NAAA: variants seen among roughly 807,000 people sequenced by gnomAD.
NAAA encodes N-acylethanolamine-hydrolyzing acid amidase.
Under a neutral mutation model 44.8 loss-of-function variants are expected in NAAA, and 39 were observed. That is an observed-to-expected ratio of 0.87 (90% CI 0.67 to 1.14). The LOEUF is 1.14. Among genes scored for constraint, NAAA ranks in the 50% most tolerant of loss-of-function variants. NAAA has a pLI of 0.00. For missense variants in NAAA, 460 were observed against 467.8 expected (o/e 0.98, Z 0.15); for synonymous variants, 178 against 191.3 (o/e 0.93, Z 0.58).
intron 5 of NAAA, among the ~76,000 whole-genome samples, chr4:75,923,578 C>T (rs1726376843): frequency 6.6e-6 from 1 of 150,482 alleles, no homozygotes; most frequent in Non-Finnish European, 1.5e-5. Flanking sequence ...CTTGCTGTGT[C>T]TCCCAGGCTG....
chr4:75,937,760 A>G (rs1727864725), intron 2 of NAAA, among the ~76,000 whole-genome samples: 1 of 152,168 alleles, frequency 6.6e-6, no homozygotes, highest in Admixed American at 6.5e-5. Flanking sequence ...AATGCTGGCA[A>G]TGCAGGCGTG....
At chr4:75,918,427 C>T (rs1393189848) in intron 9 of NAAA, among the ~76,000 whole-genome samples, 4 of 152,026 alleles carry the variant, frequency 2.6e-5, no homozygotes, top group African/African-American at 9.7e-5. Context: ...TGCACTCCAG[C>T]CTGGGTGACA....
intron 5 of NAAA, among the ~76,000 whole-genome samples, chr4:75,921,540 C>T (rs1243361818): frequency 6.6e-6 from 1 of 152,220 alleles, no homozygotes; most frequent in East Asian, 1.9e-4. Context: ...GTCCTATTCT[C>T]CCCAAGCCTC....
At chr4:75,924,752 A>G (rs996310107) in intron 5 of NAAA, among the ~76,000 whole-genome samples, 6 of 151,972 alleles carry the variant, frequency 3.9e-5, no homozygotes, top group Non-Finnish European at 5.9e-5. Flanking sequence ...CCTTAACCAA[A>G]CTCTAGCCAG....
intron 3 of NAAA, among the ~76,000 whole-genome samples, chr4:75,932,641 C>T (rs948535729): frequency 4.0e-5 from 6 of 151,870 alleles, no homozygotes; most frequent in Admixed American, 3.3e-4. Context: ...TGCCACCAAA[C>T]CTGACTGATA....
intron 3 of NAAA, among the ~76,000 whole-genome samples, chr4:75,933,752 G>C (rs1483703933): frequency 1.3e-5 from 2 of 151,926 alleles, no homozygotes; most frequent in Non-Finnish European, 2.9e-5. Context: ...TTACAGCCTG[G>C]TGCCTGGTGC....
chr4:75,934,482 ATTTTTT>A (rs373578792), intron 3 of NAAA, among the ~76,000 whole-genome samples: 1 of 135,594 alleles, frequency 7.4e-6, no homozygotes, highest in African/African-American at 2.8e-5. Flanking sequence ...CGCCCAGCTA[ATTTTTT>A]TTTTTTTTTT....
At chr4:75,927,327 C>A (rs1726792569) in intron 4 of NAAA, among the ~76,000 whole-genome samples, 1 of 151,912 alleles carries the variant, frequency 6.6e-6, no homozygotes, top group South Asian at 2.1e-4. Flanking sequence ...TGCCTGTAGT[C>A]CCAGCTACTC....
At chr4:75,934,377 G>A (rs916557123) in intron 3 of NAAA, among the ~76,000 whole-genome samples, 8 of 151,918 alleles carry the variant, frequency 5.3e-5, no homozygotes, top group African/African-American at 1.7e-4. Flanking sequence ...GTGCAGTGGT[G>A]CGATCTCAGC....
intron 3 of NAAA, chr4:75,935,738 A>T (rs1442249432): frequency 1.1e-5 from 3 of 262,634 alleles, no homozygotes; most frequent in Non-Finnish European, 7.0e-6. Context: ...GGACTGTCAG[A>T]TCCCAAAGTT....
At chr4:75,940,533 G>A (rs1285822447) in intron 1 of NAAA, among the ~76,000 whole-genome samples, 1 of 152,272 alleles carries the variant, frequency 6.6e-6, no homozygotes, top group East Asian at 1.9e-4. Context: ...TCAAGGACTG[G>A]CGTGCCACGG....
chr4:75,922,314 G>T (rs1280394361), intron 5 of NAAA, among the ~76,000 whole-genome samples: 1 of 150,886 alleles, frequency 6.6e-6, no homozygotes, highest in East Asian at 1.9e-4. Context: ...GGAGATGAAG[G>T]TTGCAGTGAG....
intron 9 of NAAA, chr4:75,916,398 T>G (rs1246821693): frequency 6.6e-6 from 1 of 152,232 alleles, no homozygotes; most frequent in Non-Finnish European, 1.5e-5. Flanking sequence ...CTCTTGAATT[T>G]TCAAGTATAC....
At chr4:75,927,328 C>T (rs1726792857) in intron 4 of NAAA, among the ~76,000 whole-genome samples, 1 of 151,842 alleles carries the variant, frequency 6.6e-6, no homozygotes, top group South Asian at 2.1e-4. Flanking sequence ...GCCTGTAGTC[C>T]CAGCTACTCA....
At chr4:75,927,380 G>A (rs1726797556) in intron 4 of NAAA, among the ~76,000 whole-genome samples, 1 of 152,102 alleles carries the variant, frequency 6.6e-6, no homozygotes, top group African/African-American at 2.4e-5. Context: ...AGGAGATTGA[G>A]GCTGCAGTGA....
intron 4 of NAAA, among the ~76,000 whole-genome samples, chr4:75,926,560 C>CAA (rs56212846): frequency 0.011 from 785 of 70,196 alleles, 32 homozygotes; most frequent in African/African-American, 0.04. Context: ...GACTCTGTCT[C>CAA]AAAAAAAAAA....
Position 75,936,338 on chromosome 4 carries a change from T to A in NAAA, c.372-103A>T, listed in dbSNP as rs1393707964. 3.7e-6 allele frequency: 5 copies of A among 1,363,182 alleles called. No homozygotes were observed. In the East Asian group the frequency reaches 9.2e-5, roughly 25 times the overall value. The allele number at this position is 1,363,182 out of a possible 1,614,324, so 84.4% of individuals were successfully genotyped here. On this transcript the variant is annotated intron_variant, in intron 2 of 10. Transcript: ENST00000286733. ...AACAAATCCTCAAAGTAAAAGTTTTTCTTCCTTATAACTGATATATGTGCT... is the reference window on the plus strand; with the variant it reads ...AACAAATCCTCAAAGTAAAAGTTTTACTTCCTTATAACTGATATATGTGCT...
intron 1 of NAAA, 97 bp from the exon 2 acceptor site, chr4:75,940,262 A>G (rs1728138822): frequency 7.7e-7 from 1 of 1,301,448 alleles, no homozygotes; most frequent in Non-Finnish European, 1.0e-6. Flanking sequence ...TTAGGGCGTG[A>G]GGTCTCAGGG....
At chr4:75,917,571 T>C (rs1725740592) in intron 9 of NAAA, 1 of 178,256 alleles carries the variant, frequency 5.6e-6, no homozygotes, top group Non-Finnish European at 1.2e-5. Flanking sequence ...GTTCAAGCAA[T>C]TCTCCAGCCG....
Sources: allele counts gnomAD v4.1 joint callset (sites outside exome capture counted in the v4.1 genomes callset), GRCh38; gene constraint gnomAD v4.1.1; transcripts MANE v1.5; gene names NCBI Gene and HGNC (gene_info 2026-07-23, HGNC 2026-07-21).